The following SOCS5 variants were observed in gnomAD, a reference collection of about 807,000 sequenced individuals.
SOCS5 encodes suppressor of cytokine signaling 5, also known as CIS-6.
A neutral mutation model predicts 42.8 loss-of-function variants in SOCS5; 32 were observed. The observed-to-expected ratio is 0.75, with a 90% CI of 0.56 to 1.01. The LOEUF is 1.01. SOCS5 is among the 50% of genes least tolerant of loss of function. SOCS5 has a pLI of 0.00. For synonymous variants in SOCS5, 283 were observed against 229.6 expected, an observed-to-expected ratio of 1.23 and a Z score of -2.10; for missense variants, 627 against 653.0, an observed-to-expected ratio of 0.96 and a Z score of 0.43.
intron 1 of SOCS5, among the ~76,000 whole-genome samples, chr2:46,717,691 A>T (rs992461728): frequency 1.3e-5 from 2 of 152,002 alleles, no homozygotes; most frequent in Admixed American, 6.5e-5. Context: ...CTTTGGTTTT[A>T]TGCAATTTTG....
intron 1 of SOCS5, among the ~76,000 whole-genome samples, chr2:46,748,284 C>G (rs912915678): frequency 3.3e-4 from 50 of 151,092 alleles, no homozygotes; most frequent in African/African-American, 1.2e-3. Context: ...CTCCCAGGTT[C>G]CAGCAATCCT....
intron 1 of SOCS5, among the ~76,000 whole-genome samples, chr2:46,703,557 A>G (rs958885297): frequency 6.6e-6 from 1 of 152,216 alleles, no homozygotes; most frequent in African/African-American, 2.4e-5. Context: ...TAAATTAGTT[A>G]AATATGGTTT....
At chr2:46,706,811 G>A (rs1260628582) in intron 1 of SOCS5, among the ~76,000 whole-genome samples, 1 of 152,100 alleles carries the variant, frequency 6.6e-6, no homozygotes, top group African/African-American at 2.4e-5. Context: ...CGGTGAAGAG[G>A]GGTTGTGGAT....
At chr2:46,714,028 T>C (rs929727648) in intron 1 of SOCS5, among the ~76,000 whole-genome samples, 5 of 152,220 alleles carry the variant, frequency 3.3e-5, no homozygotes, top group Non-Finnish European at 7.3e-5. Context: ...CTTAATAACT[T>C]CAACCAATAT....
At chr2:46,736,399 G>C (rs1029522464) in intron 1 of SOCS5, among the ~76,000 whole-genome samples, 1 of 152,010 alleles carries the variant, frequency 6.6e-6, no homozygotes, top group Non-Finnish European at 1.5e-5. Context: ...TCACATTCTT[G>C]TGCAACCATC....
At chr2:46,732,785 A>G (rs529049902) in intron 1 of SOCS5, among the ~76,000 whole-genome samples, 2 of 152,294 alleles carry the variant, frequency 1.3e-5, no homozygotes, top group African/African-American at 4.8e-5. Flanking sequence ...AAAGCTATAG[A>G]TGCTCACTGG....
At chr2:46,749,620 A>C (rs1673581243) in intron 1 of SOCS5, among the ~76,000 whole-genome samples, 1 of 152,172 alleles carries the variant, frequency 6.6e-6, no homozygotes, top group Non-Finnish European at 1.5e-5. Context: ...TATAGAGCAA[A>C]ATTTAAATTG....
chr2:46,708,412 C>A (rs1019690973), intron 1 of SOCS5, among the ~76,000 whole-genome samples: 3 of 151,994 alleles, frequency 2.0e-5, no homozygotes, highest in African/African-American at 4.8e-5. Flanking sequence ...AGTAATGATA[C>A]CACAATATCA....
chr2:46,708,204 T>A (rs189992969), intron 1 of SOCS5, among the ~76,000 whole-genome samples: 1 of 152,224 alleles, frequency 6.6e-6, no homozygotes, highest in Admixed American at 6.5e-5. Context: ...GAATTTGTAG[T>A]GGGGTTGGAA....
chr2:46,742,889 C>T (rs575824485), intron 1 of SOCS5, among the ~76,000 whole-genome samples: 1 of 152,274 alleles, frequency 6.6e-6, no homozygotes, highest in South Asian at 2.1e-4. Context: ...TAGTCTAGAA[C>T]TCCTGACCTT....
chr2:46,732,149 G>C (rs1317884112), intron 1 of SOCS5, among the ~76,000 whole-genome samples: 1 of 152,162 alleles, frequency 6.6e-6, no homozygotes, highest in African/African-American at 2.4e-5. Context: ...ATAAGAAAAT[G>C]GGATTCATGT....
chr2:46,751,420 GAAAT>G (rs1673620173), intron 1 of SOCS5, among the ~76,000 whole-genome samples: 2 of 151,562 alleles, frequency 1.3e-5, no homozygotes, highest in Admixed American at 6.6e-5. Flanking sequence ...CACTTTATAA[GAAAT>G]AAAAAGGAAT....
At chr2:46,756,773 G>A (rs79868753) in intron 1 of SOCS5, among the ~76,000 whole-genome samples, 9,210 of 152,208 alleles carry the variant, frequency 0.061, 301 homozygotes, top group Middle Eastern at 0.13. Flanking sequence ...CCAAGAATAC[G>A]GCAGGAATTC....
chr2:46,700,646 A>G (rs959172603), intron 1 of SOCS5, among the ~76,000 whole-genome samples: 1 of 152,148 alleles, frequency 6.6e-6, no homozygotes, highest in Non-Finnish European at 1.5e-5. Flanking sequence ...GCAATACTAA[A>G]ATCAGGTTGA....
At chr2:46,714,743 T>C (rs1672701748) in intron 1 of SOCS5, among the ~76,000 whole-genome samples, 1 of 152,212 alleles carries the variant, frequency 6.6e-6, no homozygotes. Context: ...AATGTAATTT[T>C]GATATAGTTG....
chr2:46,734,191 G>GT (rs1226926961), intron 1 of SOCS5, among the ~76,000 whole-genome samples: 1 of 151,956 alleles, frequency 6.6e-6, no homozygotes, highest in East Asian at 1.9e-4. Context: ...GACACTGGTG[G>GT]TTTTTTTTAA....
intron 1 of SOCS5, among the ~76,000 whole-genome samples, chr2:46,707,507 G>A (rs1360531727): frequency 6.6e-6 from 1 of 152,158 alleles, no homozygotes; most frequent in Admixed American, 6.5e-5. Flanking sequence ...TGTTTAAGGA[G>A]GAAGATGCTA....
intron 1 of SOCS5, among the ~76,000 whole-genome samples, chr2:46,745,271 A>G (rs1331163143): frequency 6.6e-6 from 1 of 152,172 alleles, no homozygotes; most frequent in Non-Finnish European, 1.5e-5. Context: ...ATTTTAAGCC[A>G]TGTTTATGGG....
intron 1 of SOCS5, among the ~76,000 whole-genome samples, chr2:46,715,166 C>G (rs1672709838): frequency 6.6e-6 from 1 of 151,938 alleles, no homozygotes; most frequent in South Asian, 2.1e-4. Context: ...CCCAGGAGTT[C>G]AAGACCAGCC....
Sources: allele counts gnomAD v4.1 joint callset (sites outside exome capture counted in the v4.1 genomes callset), GRCh38; gene constraint gnomAD v4.1.1; transcripts MANE v1.5; gene names NCBI Gene and HGNC (gene_info 2026-07-23, HGNC 2026-07-21).